Variants in MYPN observed in about 807,000 individuals in gnomAD.
MYPN encodes the protein sarcomeric protein myopalladin, 145 kDa (MYOP).
A neutral mutation model predicts 129.4 loss-of-function variants in MYPN; 63 were observed. The observed-to-expected ratio is 0.49, with a 90% CI of 0.40 to 0.60. The LOEUF is 0.60. Among genes scored for constraint, MYPN ranks in the 20% least tolerant of loss-of-function variants. The pLI, the probability that MYPN is intolerant of heterozygous loss-of-function variation, is 0.00. For missense variants in MYPN, 1,596 were observed against 1,635.4 expected (o/e 0.98, Z 0.42); for synonymous variants, 629 against 600.9 (o/e 1.05, Z -0.68).
Position 68,182,419 on chromosome 10 carries a change from TATATATAACAC to T in MYPN, c.2704-6478_2704-6468del, listed in dbSNP as rs1441993859. Among the ~76,000 whole-genome samples the T allele has an allele frequency of 1.9e-4, 18 of 96,412 alleles. 1 individual carries two copies. The highest frequency in any genetic ancestry group is 9.4e-4 in the East Asian group (2 of 2,128). 63.3% of individuals were successfully genotyped at this position (96,412 alleles called of 152,430 possible). The stretch of plus-strand genomic sequence containing the variant: ...ATATATATAACACATATATATAACA[TATATATAACAC>T]ATATATATAACATATATATAACATA... On this transcript the variant is annotated intron_variant, in intron 12 of 19. Coordinates refer to ENST00000358913, the MANE Select transcript of MYPN (RefSeq NM_032578.4).
At chr10:68,158,425 G>A (rs59425462) in intron 6 of MYPN, 61 bp from the exon 7 acceptor site, 21 of 1,540,938 alleles carry the variant, frequency 1.4e-5, no homozygotes, top group East Asian at 1.1e-4. Flanking sequence ...ATTCAACACC[G>A]AAACTAGATT....
intron 1 of MYPN, among the ~76,000 whole-genome samples, chr10:68,094,622 A>C (rs941726657): frequency 1.3e-5 from 2 of 151,148 alleles, no homozygotes; most frequent in Non-Finnish European, 2.9e-5. Context: ...TGGTTCAAAC[A>C]CCTCTGGCAT....
chr10:68,106,890 A>T, upstream of MYPN: 1 of 697,238 alleles, frequency 1.4e-6, no homozygotes, highest in Non-Finnish European at 2.6e-6. Context: ...CAAGAAACAC[A>T]TGTGTTGGAT....
intron 2 of MYPN, among the ~76,000 whole-genome samples, chr10:68,123,720 AATAAGTAT>A (rs1017395503): frequency 3.3e-5 from 5 of 151,168 alleles, no homozygotes; most frequent in African/African-American, 9.7e-5. Context: ...TAAATAAATA[AATAAGTAT>A]AATTAAAAAT....
intron 18 of MYPN, among the ~76,000 whole-genome samples, chr10:68,204,037 C>T (rs544282004): frequency 2.0e-5 from 3 of 152,288 alleles, no homozygotes; most frequent in South Asian, 4.1e-4. Context: ...TCACCTCAAA[C>T]ATCATCTTTC....
At chr10:68,096,064 G>A (rs1301182360) in intron 1 of MYPN, among the ~76,000 whole-genome samples, 1 of 152,114 alleles carries the variant, frequency 6.6e-6, no homozygotes, top group Non-Finnish European at 1.5e-5. Context: ...TATTAGGTAT[G>A]AATTTGATTC....
At chr10:68,203,084 G>T (rs2043745743) in intron 18 of MYPN, among the ~76,000 whole-genome samples, 1 of 152,174 alleles carries the variant, frequency 6.6e-6, no homozygotes, top group Non-Finnish European at 1.5e-5. Flanking sequence ...GAGGCTGACT[G>T]CTGGGACCGG....
At position 68,201,957 on chromosome 10, in the gene MYPN, G is replaced by A. The variant is rs777918680; in HGVS notation, c.3622G>A (p.Asp1208Asn). The stretch of plus-strand genomic sequence containing the variant: ...CCCACCTGTGTTCTACTGGAAGAAA[G>A]ACAATGAGACCATCCCTTGCACCAG... ...MPPPVFYWKK[D>N]NETIPCTRER... The change falls in exon 18 of 20, where the codon GAC becomes AAC. Residue 1208 changes from aspartate (D) to asparagine (N), a missense_variant. Asp to Asn is a conservative substitution (Grantham distance 23). Coordinates refer to ENST00000358913, the MANE Select transcript of MYPN (RefSeq NM_032578.4). 6.8e-6 allele frequency: 11 copies of A among 1,613,952 alleles called. No individual in the cohort carries two copies. Among genetic ancestry groups the A allele is most frequent in the Admixed American group, 1.7e-5 (1 of 59,982 alleles).
intron 2 of MYPN, among the ~76,000 whole-genome samples, chr10:68,136,043 A>G (rs1446606939): frequency 6.6e-6 from 1 of 152,194 alleles, no homozygotes; most frequent in African/African-American, 2.4e-5. Context: ...ATAACATTCA[A>G]ATTACGTTTA....
intron 2 of MYPN, among the ~76,000 whole-genome samples, chr10:68,126,979 C>G (rs1015864402): frequency 1.3e-5 from 2 of 152,130 alleles, no homozygotes; most frequent in Non-Finnish European, 2.9e-5. Context: ...TGGTTCAGTC[C>G]AGTGCTAGAG....
At chr10:68,123,049 C>T (rs960104136) in intron 2 of MYPN, among the ~76,000 whole-genome samples, 1 of 151,658 alleles carries the variant, frequency 6.6e-6, no homozygotes, top group South Asian at 2.1e-4. Context: ...CAGCATATTT[C>T]AATTTGGATG....
At chr10:68,162,553 C>T (rs2042994302) in intron 8 of MYPN, among the ~76,000 whole-genome samples, 1 of 152,234 alleles carries the variant, frequency 6.6e-6, no homozygotes, top group Admixed American at 6.5e-5. Context: ...ACAAGTCACT[C>T]ACAAAACAGG....
intron 4 of MYPN, among the ~76,000 whole-genome samples, chr10:68,147,642 T>C (rs898604980): frequency 6.6e-6 from 1 of 152,186 alleles, no homozygotes; most frequent in Non-Finnish European, 1.5e-5. Flanking sequence ...GTGTAATTAC[T>C]GATATCTTTA....
upstream of MYPN, chr10:68,106,753 C>T (rs746813902): frequency 2.8e-6 from 2 of 717,234 alleles, no homozygotes; most frequent in Non-Finnish European, 5.2e-6. Flanking sequence ...AAGACTTCCT[C>T]TGCCATAGAA....
At position 68,201,842 on chromosome 10, in the gene MYPN, G is replaced by C; in HGVS notation, c.3507G>C (p.Lys1169Asn). 1.2e-6 allele frequency: 2 copies of C among 1,613,930 alleles called. No individual in the cohort carries two copies. Among genetic ancestry groups the C allele is most frequent in the Non-Finnish European group, 1.7e-6 (2 of 1,179,970 alleles). ...LELSVVAKEV[K>N]KAPVILEKLQ... The stretch of plus-strand genomic sequence containing the variant: ...TCTCTTGCTCAGCCAAAGAGGTGAA[G>C]AAAGCACCTGTGATCCTGGAGAAAC... Residue 1169 changes from lysine (K) to asparagine (N), a missense_variant, in exon 18 of 20, where the codon AAG (lysine) becomes AAC (asparagine). Lys to Asn is a moderately conservative substitution (Grantham distance 94). Coordinates refer to ENST00000358913, the MANE Select transcript of MYPN (RefSeq NM_032578.4).
intron 2 of MYPN, among the ~76,000 whole-genome samples, chr10:68,127,060 C>A (rs575170892): frequency 1.5e-4 from 23 of 152,308 alleles, no homozygotes; most frequent in African/African-American, 5.3e-4. Flanking sequence ...TCTTGGCTCA[C>A]TGCAACCTCC....
intron 2 of MYPN, among the ~76,000 whole-genome samples, chr10:68,122,936 C>A (rs2042268780): frequency 6.6e-6 from 1 of 151,902 alleles, no homozygotes; most frequent in South Asian, 2.1e-4. Flanking sequence ...TAAAATAAAA[C>A]ATTATCATTC....
At chr10:68,143,498 CT>C (rs1416077119) in intron 3 of MYPN, among the ~76,000 whole-genome samples, 1 of 152,014 alleles carries the variant, frequency 6.6e-6, no homozygotes, top group African/African-American at 2.4e-5. Context: ...TGCAGTGGCC[CT>C]GAGGGTGGGA....
Position 68,211,777 on chromosome 10 carries a change from C to T in MYPN, c.*1322C>T, listed in dbSNP as rs570474566. 1.1e-3 allele frequency: 491 copies of T among 454,114 alleles called. 8 individuals are homozygous for T. The highest frequency in any genetic ancestry group is 7.3e-3 in the South Asian group (470 of 64,480). 28.1% of individuals were successfully genotyped at this position (454,114 alleles called of 1,614,324 possible). On this transcript the variant is annotated 3_prime_UTR_variant, in exon 20 of 20. Coordinates refer to ENST00000358913, the MANE Select transcript of MYPN (RefSeq NM_032578.4). ...AGGAATATGCCACCCACACACCAGT[C>T]CAAACACTGCCCTGGGAATGCTCAT...
Sources: gnomAD v4.1 joint callset for allele counts (sites outside exome capture counted in the v4.1 genomes callset) on GRCh38, gnomAD v4.1.1 for gene constraint, MANE v1.5 for transcripts, NCBI Gene and HGNC (gene_info 2026-07-23, HGNC 2026-07-21) for gene names.